The following ELMOD1 variants were observed in gnomAD, a reference collection of about 807,000 sequenced individuals.
ELMOD1 encodes the protein ELMO domain-containing protein 1.
Under a neutral mutation model 46.7 loss-of-function variants are expected in ELMOD1, and 21 were observed. The ratio of observed to expected loss-of-function variants is 0.45; its 90% CI spans 0.32 to 0.65. The LOEUF (loss-of-function observed/expected upper bound fraction) is 0.65. Ranked by LOEUF, ELMOD1 falls within the 30% of genes least tolerant of loss-of-function variation. The probability of loss-of-function intolerance (pLI) is 0.04; values close to 1 mark genes in which losing one functional copy is unlikely to be tolerated. For missense variants in ELMOD1, 348 were observed against 407.8 expected (o/e 0.85, Z 1.26); for synonymous variants, 122 against 138.2 (o/e 0.88, Z 0.82).
chr11:107,623,517 A>AC (rs1865988848), intron 2 of ELMOD1: 1 of 152,130 alleles, frequency 6.6e-6, no homozygotes, highest in South Asian at 2.1e-4. Context: ...TCATTCATTT[A>AC]CTCATTGGAA....
At chr11:107,601,114 A>G (rs1865590169) in intron 1 of ELMOD1, among the ~76,000 whole-genome samples, 1 of 152,086 alleles carries the variant, frequency 6.6e-6, no homozygotes, top group South Asian at 2.1e-4. Context: ...TGTCTTTCTC[A>G]GGAATACCAT....
rs1021944559 is a variant in ELMOD1 at position 107,632,136 on chromosome 11, T to C, written c.290+459T>C. ...CCTGCTTGTCAAGAAGACAGGCATGTGTGGGAAGGAGAAATGGTTTTTATA... is the reference window on the plus strand; with the variant it reads ...CCTGCTTGTCAAGAAGACAGGCATGCGTGGGAAGGAGAAATGGTTTTTATA... On this transcript the variant is annotated intron_variant, in intron 5 of 11. Coordinates refer to ENST00000265840, the MANE Select transcript of ELMOD1 (RefSeq NM_018712.4). 3.3e-5 allele frequency among the ~76,000 whole-genome samples: 5 copies of C among 152,322 alleles called. No homozygotes were observed. In the East Asian group the frequency reaches 9.6e-4, roughly 29 times the overall value.
chr11:107,624,378 C>T (rs760012054), intron 2 of ELMOD1, among the ~76,000 whole-genome samples: 4 of 152,280 alleles, frequency 2.6e-5, no homozygotes, highest in South Asian at 2.1e-4. Context: ...TAGCCAGGCA[C>T]GGCGGCTCAT....
intron 9 of ELMOD1, among the ~76,000 whole-genome samples, chr11:107,652,585 T>C (rs1866544161): frequency 6.6e-6 from 1 of 152,110 alleles, no homozygotes; most frequent in Non-Finnish European, 1.5e-5. Flanking sequence ...GAAGAGAAAA[T>C]AGGTGCTTAT....
intron 11 of ELMOD1, among the ~76,000 whole-genome samples, chr11:107,660,505 A>AT (rs1333880928): frequency 1.3e-5 from 2 of 152,108 alleles, no homozygotes; most frequent in South Asian, 2.1e-4. Context: ...AAAGCAAACT[A>AT]TTTTTTTCTT....
chr11:107,619,597 G>A (rs60891405), intron 2 of ELMOD1, among the ~76,000 whole-genome samples: 6 of 152,034 alleles, frequency 3.9e-5, no homozygotes, highest in South Asian at 2.1e-4. Context: ...TTTCTTCCTC[G>A]ATGTCTTATT....
intron 11 of ELMOD1, among the ~76,000 whole-genome samples, chr11:107,656,485 TAGAG>T (rs1267432195): frequency 6.7e-6 from 1 of 148,794 alleles, no homozygotes; most frequent in Non-Finnish European, 1.5e-5. Flanking sequence ...ATATATAATA[TAGAG>T]AGAGAGAGAA....
chr11:107,636,632 C>A (rs1398839341), intron 6 of ELMOD1, among the ~76,000 whole-genome samples: 1 of 152,094 alleles, frequency 6.6e-6, no homozygotes, highest in Non-Finnish European at 1.5e-5. Context: ...GGCGTAATTT[C>A]AAAAATGTAT....
chr11:107,656,463 T>A (rs1002797782), intron 11 of ELMOD1, among the ~76,000 whole-genome samples: 1 of 147,998 alleles, frequency 6.8e-6, no homozygotes, highest in African/African-American at 2.5e-5. Flanking sequence ...ATATATATTA[T>A]ATGTATTTTA....
Position 107,618,100 on chromosome 11 carries a change from C to A in ELMOD1, c.-85-5C>A. The A allele has an allele frequency of 7.1e-7, 1 of 1,403,316 alleles. No homozygotes were observed. The highest frequency in any genetic ancestry group is 9.9e-7 in the Non-Finnish European group (1 of 1,012,678). 86.9% of individuals were successfully genotyped at this position (1,403,316 alleles called of 1,614,324 possible). ...ATATACCTAATATCTAATTTCTTCC[C>A]ACAGTTGACACTTACTTTGACAAAG... On this transcript the variant is annotated splice_polypyrimidine_tract_variant and splice_region_variant and intron_variant, in intron 1 of 11. Transcript: ENST00000265840.
rs1350310030 is a variant in ELMOD1 at position 107,596,023 on chromosome 11, G to A, written c.-86+4614G>A. Among the ~76,000 whole-genome samples the A allele has an allele frequency of 6.6e-5, 10 of 151,974 alleles. 1 individual carries two copies. The East Asian group carries it at 1.9e-3, about 29-fold the overall frequency. On this transcript the variant is annotated intron_variant, in intron 1 of 11. Coordinates refer to ENST00000265840, the MANE Select transcript of ELMOD1 (RefSeq NM_018712.4). The stretch of plus-strand genomic sequence containing the variant: ...CAAATGCCTAAGGAGAGCTTGTTAA[G>A]CCTTTTTAAAAAATCAGTCTCATGC...
intron 6 of ELMOD1, among the ~76,000 whole-genome samples, chr11:107,645,485 G>A (rs1033431459): frequency 3.3e-5 from 5 of 152,100 alleles, no homozygotes; most frequent in Admixed American, 1.3e-4. Flanking sequence ...CACCACGCCC[G>A]GCTAATTTTT....
chr11:107,626,100 A>G (rs1305250821), intron 2 of ELMOD1, among the ~76,000 whole-genome samples: 1 of 152,230 alleles, frequency 6.6e-6, no homozygotes, highest in African/African-American at 2.4e-5. Flanking sequence ...GATTATTTTT[A>G]GTAGTGAGTC....
chr11:107,610,208 A>G (rs1865751967), intron 1 of ELMOD1, among the ~76,000 whole-genome samples: 1 of 152,150 alleles, frequency 6.6e-6, no homozygotes, highest in Admixed American at 6.5e-5. Context: ...CGCTTGAAAA[A>G]CACCTCTAGA....
intron 6 of ELMOD1, among the ~76,000 whole-genome samples, chr11:107,642,341 G>A (rs1309866903): frequency 2.6e-5 from 4 of 151,650 alleles, no homozygotes; most frequent in Non-Finnish European, 5.9e-5. Flanking sequence ...TTTATTAACA[G>A]ACATTATAAA....
chr11:107,661,169 G>A (rs909994751), intron 11 of ELMOD1, among the ~76,000 whole-genome samples: 2 of 152,096 alleles, frequency 1.3e-5, no homozygotes, highest in Non-Finnish European at 2.9e-5. Flanking sequence ...TTCAATCTTC[G>A]GAGGAAGAAT....
At chr11:107,625,114 C>G (rs1232473419) in intron 2 of ELMOD1, among the ~76,000 whole-genome samples, 1 of 152,148 alleles carries the variant, frequency 6.6e-6, no homozygotes, top group African/African-American at 2.4e-5. Context: ...GTACCAAGTC[C>G]TCTGCAGCCT....
intron 1 of ELMOD1, among the ~76,000 whole-genome samples, chr11:107,603,369 T>A (rs1591101021): frequency 1.3e-5 from 2 of 151,934 alleles, no homozygotes; most frequent in East Asian, 3.9e-4. Context: ...CAAAACCACA[T>A]CTCTACTAAA....
intron 1 of ELMOD1, among the ~76,000 whole-genome samples, chr11:107,603,610 C>T (rs1865639745): frequency 6.6e-6 from 1 of 151,992 alleles, no homozygotes; most frequent in South Asian, 2.1e-4. Context: ...TCTTACACTC[C>T]CACTTTTAGA....
Sources: gnomAD v4.1 joint callset for allele counts (sites outside exome capture counted in the v4.1 genomes callset) on GRCh38, gnomAD v4.1.1 for gene constraint, MANE v1.5 for transcripts, NCBI Gene and HGNC (gene_info 2026-07-23, HGNC 2026-07-21) for gene names.